Variants in RPA1 observed in about 807,000 individuals in gnomAD.
The protein encoded by RPA1 is replication protein A 70 kDa DNA-binding subunit.
A neutral mutation model predicts 83.0 loss-of-function variants in RPA1; 49 were observed. That is an observed-to-expected ratio of 0.59 (90% CI 0.47 to 0.75). The LOEUF (loss-of-function observed/expected upper bound fraction) is 0.75. RPA1 is among the 30% of genes least tolerant of loss of function. The pLI is 0.00. For missense variants in RPA1, 693 were observed against 776.1 expected, an observed-to-expected ratio of 0.89 and a Z score of 1.27; for synonymous variants, 279 against 281.8, an observed-to-expected ratio of 0.99 and a Z score of 0.10.
chr17:1,880,482 A>T, intron 11 of RPA1, 61 bp from the exon 12 acceptor site: 1 of 1,569,090 alleles, frequency 6.4e-7, no homozygotes, highest in Non-Finnish European at 8.7e-7. Context: ...TGTTTTCTAT[A>T]AAAATCTTCT....
At chr17:1,843,659 T>A (rs12603095) in intron 2 of RPA1, among the ~76,000 whole-genome samples, 117,376 of 149,248 alleles carry the variant, frequency 0.79, 48,206 homozygotes, top group Non-Finnish European at 0.92. Context: ...TTTTTAACCA[T>A]ATTTGAGTCA....
chr17:1,835,845 G>A lies in RPA1; in HGVS notation c.33+5719G>A, dbSNP rs567229195. ...ACGGAACAGAAAGGTGTTCATGGCC[G>A]GGCATGGTGGCTCACATGTGTACTC... is the stretch of plus-strand genomic sequence containing the variant. On this transcript the variant is annotated intron_variant, in intron 1 of 16. Coordinates refer to ENST00000254719, the MANE Select transcript of RPA1 (RefSeq NM_002945.5). Among the ~76,000 whole-genome samples the A allele has an allele frequency of 4.6e-5, 7 of 152,208 alleles. No homozygotes were observed. The South Asian group carries it at 6.2e-4, about 14-fold the overall frequency.
chr17:1,897,357 G>T lies in RPA1; in HGVS notation c.*182G>T. 1 of 573,146 alleles carries T rather than the reference G, an allele frequency of 1.7e-6. No homozygotes were observed. The highest frequency in any genetic ancestry group is 3.1e-6 in the Non-Finnish European group (1 of 323,032). 35.5% of individuals were successfully genotyped at this position (573,146 alleles called of 1,614,324 possible). A position where few individuals can be genotyped will look rare whatever the true frequency, so the allele number is the denominator to read the frequency against. On this transcript the variant is annotated 3_prime_UTR_variant, in exon 17 of 17. Transcript: ENST00000254719. Reference sequence around the variant, plus strand: ...CGGTAGGCAAAGGAAAATACGCTCAGGTGGTTGTGGTGTAGACTGTGTCAG... The same window carrying T: ...CGGTAGGCAAAGGAAAATACGCTCATGTGGTTGTGGTGTAGACTGTGTCAG...
intron 5 of RPA1, among the ~76,000 whole-genome samples, chr17:1,857,079 C>T (rs549699641): frequency 1.3e-5 from 2 of 152,064 alleles, no homozygotes; most frequent in South Asian, 4.1e-4. Context: ...AGGCATGTAG[C>T]ATTATAAATC....
rs140500685 is a variant in RPA1, at chr17:1,852,525, C to T, written c.273-576C>T. Among the ~76,000 whole-genome samples, 144 of 152,270 alleles carry T rather than the reference C, an allele frequency of 9.5e-4. 1 individual carries two copies. In the East Asian group the frequency reaches 0.022, roughly 23 times the overall value. On this transcript the variant is annotated intron_variant, in intron 4 of 16. Coordinates refer to ENST00000254719, the MANE Select transcript of RPA1 (RefSeq NM_002945.5). ...CCCATGTGGTGGAACTGAAAGAAAA[C>T]AGGAAGGCCAGAGGGCAGAGGGCAG...
In RPA1 at chr17:1,897,083, A is replaced by T; in HGVS notation, c.1759A>T (p.Ile587Phe). ...KVETYNDESRIKATVMDVKPV... is the reference protein window; with the variant it reads ...KVETYNDESRFKATVMDVKPV... ...TCCCTTTTTGAAGGACGAGTCTCGA[A>T]TTAAGGCCACTGTGATGGACGTGAA... Residue 587 changes from isoleucine to phenylalanine, a missense_variant, in exon 17 of 17, where the codon ATT becomes TTT. Coordinates refer to ENST00000254719, the MANE Select transcript of RPA1 (RefSeq NM_002945.5). The T allele has an allele frequency of 6.4e-7, 1 of 1,571,896 alleles. No homozygotes were observed. The highest frequency in any genetic ancestry group is 1.7e-4 in the Middle Eastern group (1 of 6,010).
intron 5 of RPA1, among the ~76,000 whole-genome samples, chr17:1,855,707 A>C (rs533543131): frequency 6.6e-6 from 1 of 152,242 alleles, no homozygotes; most frequent in African/African-American, 2.4e-5. Context: ...GCCTTATGGA[A>C]TAAGTTGGGA....
At chr17:1,850,975 A>G (rs1256784988) in intron 4 of RPA1, among the ~76,000 whole-genome samples, 3 of 152,118 alleles carry the variant, frequency 2.0e-5, no homozygotes, top group Non-Finnish European at 4.4e-5. Flanking sequence ...AACTTTAAAC[A>G]TCTACAAACA....
At chr17:1,876,372 T>C (rs1479434378) in intron 7 of RPA1, among the ~76,000 whole-genome samples, 1 of 152,008 alleles carries the variant, frequency 6.6e-6, no homozygotes, top group African/African-American at 2.4e-5. Flanking sequence ...CTGGCCAACA[T>C]GGTGAAACCG....
intron 2 of RPA1, among the ~76,000 whole-genome samples, chr17:1,843,074 T>G (rs1421618340): frequency 6.6e-6 from 1 of 151,968 alleles, no homozygotes; most frequent in East Asian, 1.9e-4. Flanking sequence ...AGATTCAGAC[T>G]GAAGGCTTTG....
chr17:1,842,749 T>G, intron 1 of RPA1, 54 bp from the exon 2 acceptor site: 1 of 1,498,502 alleles, frequency 6.7e-7, no homozygotes. Flanking sequence ...AAACATGTCA[T>G]TTTCATCATG....
chr17:1,843,746 G>T (rs1006692750), intron 2 of RPA1, among the ~76,000 whole-genome samples, 174 bp from the exon 3 acceptor site: 3 of 151,766 alleles, frequency 2.0e-5, no homozygotes, highest in African/African-American at 7.3e-5. Flanking sequence ...GTGGAGGGAG[G>T]TTAGTGGGAA....
chr17:1,837,043 G>A (rs1480383065), intron 1 of RPA1, among the ~76,000 whole-genome samples: 2 of 151,882 alleles, frequency 1.3e-5, no homozygotes, highest in Non-Finnish European at 2.9e-5. Context: ...TCACCACGGT[G>A]GTCAGGATGG....
chr17:1,895,288 G>T (rs565332712), intron 16 of RPA1, among the ~76,000 whole-genome samples, 193 bp downstream of exon 16: 7 of 150,892 alleles, frequency 4.6e-5, no homozygotes, highest in Admixed American at 1.3e-4. Flanking sequence ...GTGTCTTGTC[G>T]AAACAATGGC....
At chr17:1,880,774 GC>G in intron 12 of RPA1, 83 bp downstream of exon 12, 10 of 1,561,798 alleles carry the variant, frequency 6.4e-6, no homozygotes, top group Non-Finnish European at 8.7e-6. Flanking sequence ...GGAGCTTTCT[GC>G]CAAGCAGAAG....
At chr17:1,881,843 A>G (rs1976989131) in intron 12 of RPA1, among the ~76,000 whole-genome samples, 1 of 152,176 alleles carries the variant, frequency 6.6e-6, no homozygotes, top group South Asian at 2.1e-4. Context: ...AGATGTTTAG[A>G]TCTTGGCTAT....
At chr17:1,886,673 A>G (rs1914004997) in intron 13 of RPA1, among the ~76,000 whole-genome samples, 1 of 149,540 alleles carries the variant, frequency 6.7e-6, no homozygotes, top group Non-Finnish European at 1.5e-5. Context: ...TCATGAACCA[A>G]CATCTGCTGG....
intron 5 of RPA1, among the ~76,000 whole-genome samples, chr17:1,864,198 A>AG (rs1443465211): frequency 1.3e-5 from 2 of 152,256 alleles, no homozygotes; most frequent in East Asian, 3.8e-4. Context: ...AAAGGTGCTT[A>AG]GCTGGTTCCC....
chr17:1,872,340 A>C, intron 5 of RPA1, 94 bp from the exon 6 acceptor site: 2 of 1,519,882 alleles, frequency 1.3e-6, no homozygotes, highest in Non-Finnish European at 8.9e-7. Context: ...AAAATAAAAA[A>C]TTTACACTTT....
Sources: gnomAD v4.1 joint callset for allele counts (sites outside exome capture counted in the v4.1 genomes callset) on GRCh38, gnomAD v4.1.1 for gene constraint, MANE v1.5 for transcripts, NCBI Gene and HGNC (gene_info 2026-07-23, HGNC 2026-07-21) for gene names.